The following CALN1 variants were observed in gnomAD, a reference collection of about 807,000 sequenced individuals.
CALN1 encodes calneuron 1.
CALN1 carries 17 observed loss-of-function variants against 30.6 expected under a neutral mutation model. The ratio of observed to expected loss-of-function variants is 0.56; its 90% CI spans 0.38 to 0.83. The LOEUF (loss-of-function observed/expected upper bound fraction) is 0.83. CALN1 is among the 40% of genes least tolerant of loss of function. The pLI is 0.00. For synonymous variants in CALN1, 156 were observed against 131.4 expected (o/e 1.19, Z -1.28); for missense variants, 291 against 354.9 (o/e 0.82, Z 1.45).
At chr7:72,294,129 A>G (rs772476787) in intron 2 of CALN1, among the ~76,000 whole-genome samples, 1 of 152,122 alleles carries the variant, frequency 6.6e-6, no homozygotes, top group Non-Finnish European at 1.5e-5. Context: ...CTTCAGAATA[A>G]TAATGGCTTC....
intron 2 of CALN1, among the ~76,000 whole-genome samples, chr7:72,351,667 AAACCC>A (rs772165536): frequency 3.3e-5 from 5 of 152,186 alleles, no homozygotes; most frequent in Non-Finnish European, 1.5e-5. Context: ...GCACATTGTT[AAACCC>A]CAGAACACAA....
chr7:72,444,029 A>C (rs746001739), intron 1 of CALN1, among the ~76,000 whole-genome samples: 10 of 150,578 alleles, frequency 6.6e-5, no homozygotes, highest in Admixed American at 2.0e-4. Flanking sequence ...TTAATTAAAA[A>C]ATTATTAAAT....
chr7:72,242,522 T>G (rs553105619), intron 3 of CALN1, among the ~76,000 whole-genome samples: 1 of 152,294 alleles, frequency 6.6e-6, no homozygotes, highest in Admixed American at 6.5e-5. Context: ...TACCTACTCA[T>G]AAACAATTCA....
intron 4 of CALN1, among the ~76,000 whole-genome samples, chr7:72,040,914 G>A (rs73369836): frequency 0.011 from 1,730 of 152,296 alleles, 45 homozygotes; most frequent in African/African-American, 0.039. Flanking sequence ...TGCTGATGAA[G>A]CCACCAGGTC....
the CALN1 span, among the ~76,000 whole-genome samples, chr7:72,491,062 G>C: frequency 7.9e-5 from 12 of 152,094 alleles, no homozygotes; most frequent in Admixed American, 2.0e-4. Flanking sequence ...GGATAACATG[G>C]TGAAACCCTG....
At chr7:72,199,140 T>G (rs1164304473) in intron 3 of CALN1, among the ~76,000 whole-genome samples, 1 of 151,962 alleles carries the variant, frequency 6.6e-6, no homozygotes, top group African/African-American at 2.4e-5. Flanking sequence ...CTGGGCGTGG[T>G]GGTGGGCGCC....
At chr7:71,907,267 C>A (rs1794188617) in intron 5 of CALN1, among the ~76,000 whole-genome samples, 1 of 151,888 alleles carries the variant, frequency 6.6e-6, no homozygotes, top group Non-Finnish European at 1.5e-5. Context: ...CACACACACA[C>A]AACTTAAGGA....
chr7:72,447,283 C>G (rs1053260645), upstream of CALN1: 2 of 152,654 alleles, frequency 1.3e-5, no homozygotes, highest in African/African-American at 4.8e-5. Flanking sequence ...GCTCTGGCTG[C>G]TGCTCCTGCT....
chr7:71,880,984 T>TCC (rs1792528720), intron 5 of CALN1, among the ~76,000 whole-genome samples: 1 of 152,144 alleles, frequency 6.6e-6, no homozygotes. Flanking sequence ...GAGAGGCAGA[T>TCC]CCACCCTCAA....
Position 72,361,579 on chromosome 7 carries a change from A to G in CALN1, c.119+41672T>C, listed in dbSNP as rs191492029. On this transcript the variant is annotated intron_variant, in intron 2 of 6. Coordinates refer to ENST00000395275, the MANE Select transcript of CALN1 (RefSeq NM_031468.4). ...TAATTTGTACATGTAAATGTTTTAT[A>G]AAAGTTTACCATAATATCATACACT... is the stretch of plus-strand genomic sequence containing the variant. 1.6e-3 allele frequency among the ~76,000 whole-genome samples: 246 copies of G among 152,296 alleles called. 1 individual carries two copies. The highest frequency in any genetic ancestry group is 5.6e-3 in the African/African-American group (231 of 41,564).
At chr7:72,166,065 T>C (rs1317275342) in intron 3 of CALN1, among the ~76,000 whole-genome samples, 1 of 152,186 alleles carries the variant, frequency 6.6e-6, no homozygotes, top group African/African-American at 2.4e-5. Flanking sequence ...ACATTTACTG[T>C]TCCAGCCTCA....
chr7:71,814,701 G>T (rs1025816723), intron 5 of CALN1, among the ~76,000 whole-genome samples: 1 of 152,002 alleles, frequency 6.6e-6, no homozygotes, highest in African/African-American at 2.4e-5. Flanking sequence ...CCTTTATGAT[G>T]ATCCATTTCC....
rs371570619 is a variant in CALN1, at chr7:72,162,532, G to A, written c.245-56238C>T. The stretch of plus-strand genomic sequence containing the variant: ...GCAGATCACTTGAGGACAGGAGTTC[G>A]AGATCAGCCTGGGCAACATGGTGAA... On this transcript the variant is annotated intron_variant, in intron 3 of 6. Coordinates refer to ENST00000395275, the MANE Select transcript of CALN1 (RefSeq NM_031468.4). 2.6e-5 allele frequency among the ~76,000 whole-genome samples: 4 copies of A among 151,868 alleles called. No homozygotes were observed. In the East Asian group the frequency reaches 5.9e-4, roughly 22 times the overall value.
At chr7:72,304,879 G>C (rs546757339) in intron 2 of CALN1, among the ~76,000 whole-genome samples, 2 of 152,194 alleles carry the variant, frequency 1.3e-5, no homozygotes, top group African/African-American at 4.8e-5. Flanking sequence ...TCCACACTTA[G>C]TGACATGGGT....
intron 1 of CALN1, among the ~76,000 whole-genome samples, chr7:72,442,092 T>C (rs1808365046): frequency 6.6e-6 from 1 of 152,022 alleles, no homozygotes; most frequent in Non-Finnish European, 1.5e-5. Flanking sequence ...CACATCCCAT[T>C]GCCTCCATCC....
chr7:72,414,070 A>G (rs1807345212), upstream of CALN1, among the ~76,000 whole-genome samples: 1 of 152,086 alleles, frequency 6.6e-6, no homozygotes, highest in Non-Finnish European at 1.5e-5. Context: ...TTACCCACTA[A>G]TACCGTATCT....
At chr7:72,407,292 T>G (rs529129585) in intron 1 of CALN1, among the ~76,000 whole-genome samples, 1 of 152,328 alleles carries the variant, frequency 6.6e-6, no homozygotes, top group East Asian at 1.9e-4. Flanking sequence ...TTAAAGTTAT[T>G]GTAAAGTGTT....
chr7:71,924,251 TTA>T (rs2129518797), intron 5 of CALN1, among the ~76,000 whole-genome samples: 1 of 147,698 alleles, frequency 6.8e-6, no homozygotes, highest in African/African-American at 2.5e-5. Flanking sequence ...TTAAAAAAGA[TTA>T]GGATTTCAGA....
chr7:71,804,503 C>A (rs925478013), intron 6 of CALN1, among the ~76,000 whole-genome samples: 1 of 152,102 alleles, frequency 6.6e-6, no homozygotes, highest in Non-Finnish European at 1.5e-5. Context: ...GCAGGACTCT[C>A]TTTATTTTAT....
Sources: allele counts gnomAD v4.1 joint callset (sites outside exome capture counted in the v4.1 genomes callset), GRCh38; gene constraint gnomAD v4.1.1; transcripts MANE v1.5; gene names NCBI Gene and HGNC (gene_info 2026-07-23, HGNC 2026-07-21).